Variants in ARHGEF38 observed in about 807,000 individuals in gnomAD.
ARHGEF38 encodes the protein Rho guanine nucleotide exchange factor (GEF) 38.
Under a neutral mutation model 79.9 loss-of-function variants are expected in ARHGEF38, and 79 were observed. That is an observed-to-expected ratio of 0.99 (90% CI 0.82 to 1.19). The LOEUF (loss-of-function observed/expected upper bound fraction) is 1.19, where lower values mean the gene tolerates loss of function less well. Ranked by LOEUF, ARHGEF38 falls within the 50% of genes most tolerant of loss-of-function variation. The pLI is 0.00. For synonymous variants in ARHGEF38, 366 were observed against 328.3 expected (o/e 1.11, Z -1.24); for missense variants, 962 against 907.2 (o/e 1.06, Z -0.78).
At chr4:105,650,510 A>G (rs1419588695) in intron 7 of ARHGEF38, among the ~76,000 whole-genome samples, 1 of 152,078 alleles carries the variant, frequency 6.6e-6, no homozygotes, top group African/African-American at 2.4e-5. Flanking sequence ...TAAACTCTTT[A>G]CTCTGCCCCT....
At chr4:105,657,997 G>A (rs72669992) in intron 9 of ARHGEF38, among the ~76,000 whole-genome samples, 6,569 of 152,232 alleles carry the variant, frequency 0.043, 201 homozygotes, top group Middle Eastern at 0.13. Flanking sequence ...GTCAGCAAAT[G>A]TAAAACAGAA....
chr4:105,554,362 C>T (rs1725155104), intron 1 of ARHGEF38, among the ~76,000 whole-genome samples: 1 of 152,124 alleles, frequency 6.6e-6, no homozygotes, highest in African/African-American at 2.4e-5. Context: ...GTCCGTTTCT[C>T]GCCACTCCAG....
At chr4:105,675,669 C>T (rs1731093678) in intron 13 of ARHGEF38, among the ~76,000 whole-genome samples, 1 of 152,134 alleles carries the variant, frequency 6.6e-6, no homozygotes, top group Admixed American at 6.5e-5. Flanking sequence ...TAACAAAACA[C>T]CATAAACTGG....
chr4:105,557,134 A>G (rs916103893), intron 1 of ARHGEF38, among the ~76,000 whole-genome samples: 5 of 152,126 alleles, frequency 3.3e-5, no homozygotes, highest in Admixed American at 6.6e-5. Flanking sequence ...ATAAATACTT[A>G]TATACATGAT....
At chr4:105,658,971 A>G in intron 9 of ARHGEF38, 83 bp from the exon 10 acceptor site, 1 of 1,218,378 alleles carries the variant, frequency 8.2e-7, no homozygotes, top group Non-Finnish European at 1.1e-6. Context: ...TCGTGGGGGA[A>G]AAGGTAAACC....
chr4:105,599,876 C>A (rs1049523114), intron 2 of ARHGEF38, among the ~76,000 whole-genome samples: 1 of 152,088 alleles, frequency 6.6e-6, no homozygotes, highest in African/African-American at 2.4e-5. Context: ...ACATATGAAA[C>A]ACATTTTTGT....
chr4:105,648,821 T>A, intron 7 of ARHGEF38, 139 bp downstream of exon 7: 3 of 236,578 alleles, frequency 1.3e-5, no homozygotes, highest in Non-Finnish European at 2.4e-5. Flanking sequence ...CTTGTCTCCC[T>A]CTCTCTCTCT....
intron 4 of ARHGEF38, among the ~76,000 whole-genome samples, chr4:105,635,484 A>T (rs1578333070): frequency 6.6e-6 from 1 of 152,118 alleles, no homozygotes; most frequent in African/African-American, 2.4e-5. Flanking sequence ...GAGTTAAAAG[A>T]ATAACCTTCT....
At chr4:105,646,944 TA>T (rs968691965) in intron 6 of ARHGEF38, among the ~76,000 whole-genome samples, 28 of 152,176 alleles carry the variant, frequency 1.8e-4, no homozygotes, top group Admixed American at 7.9e-4. Context: ...ACATCCACAG[TA>T]AAAGCATAAA....
intron 6 of ARHGEF38, among the ~76,000 whole-genome samples, chr4:105,646,937 T>C (rs1729867489): frequency 6.6e-6 from 1 of 151,826 alleles, no homozygotes; most frequent in Non-Finnish European, 1.5e-5. Flanking sequence ...ATTCCAAACA[T>C]CCACAGTAAA....
In ARHGEF38 at chr4:105,659,241, T is replaced by C; in HGVS notation, c.1421T>C (p.Val474Ala). Residue 474 changes from valine to alanine, a missense_variant, in exon 10 of 14, where the codon GTG becomes GCG. Val to Ala is a moderately conservative substitution (Grantham distance 64). Transcript: ENST00000420470. ...KEYEALNAQL[V>A]EELQAFNQAA... ...TATGAGGCCCTCAACGCCCAGCTTG[T>C]GGAGGAGCTCCAGGCATTCAACCAG... The C allele has an allele frequency of 6.5e-7, 1 of 1,536,118 alleles. No individual in the cohort carries two copies. Among genetic ancestry groups the C allele is most frequent in the African/African-American group, 1.4e-5 (1 of 73,156 alleles).
At chr4:105,619,294 C>T (rs965207210) in intron 3 of ARHGEF38, among the ~76,000 whole-genome samples, 2 of 151,594 alleles carry the variant, frequency 1.3e-5, no homozygotes, top group Admixed American at 6.6e-5. Context: ...CCAAACTGCC[C>T]AGCCATTCAA....
chr4:105,591,636 A>C (rs536691598), intron 2 of ARHGEF38, among the ~76,000 whole-genome samples: 2 of 152,350 alleles, frequency 1.3e-5, no homozygotes, highest in South Asian at 4.1e-4. Flanking sequence ...ACAATGTATA[A>C]AGAGGAGTAG....
intron 3 of ARHGEF38, among the ~76,000 whole-genome samples, chr4:105,622,691 T>G (rs533753198): frequency 1.3e-5 from 2 of 152,182 alleles, no homozygotes; most frequent in African/African-American, 4.8e-5. Flanking sequence ...TTCACAATGC[T>G]CAGCATGTGG....
At chr4:105,567,748 A>T (rs1261937744) in intron 1 of ARHGEF38, among the ~76,000 whole-genome samples, 1 of 152,208 alleles carries the variant, frequency 6.6e-6, no homozygotes, top group African/African-American at 2.4e-5. Flanking sequence ...TATGTAATTT[A>T]AAAAATTAAT....
chr4:105,561,362 A>T, intron 1 of ARHGEF38, among the ~76,000 whole-genome samples: 1 of 149,442 alleles, frequency 6.7e-6, no homozygotes, highest in Non-Finnish European at 1.5e-5. Flanking sequence ...AGATCATGCC[A>T]CTGCACTCCA....
intron 1 of ARHGEF38, among the ~76,000 whole-genome samples, chr4:105,570,965 C>G (rs896031226): frequency 6.6e-6 from 1 of 152,136 alleles, no homozygotes; most frequent in Non-Finnish European, 1.5e-5. Context: ...GAAGTACATA[C>G]TAGTCATATT....
At chr4:105,637,189 T>C (rs1356919571) in intron 5 of ARHGEF38, among the ~76,000 whole-genome samples, 1 of 152,086 alleles carries the variant, frequency 6.6e-6, no homozygotes, top group Non-Finnish European at 1.5e-5. Context: ...TATGAAGAAA[T>C]AAAGAGCTTA....
At chr4:105,558,004 A>G (rs1339825677) in intron 1 of ARHGEF38, among the ~76,000 whole-genome samples, 1 of 152,184 alleles carries the variant, frequency 6.6e-6, no homozygotes, top group Admixed American at 6.6e-5. Flanking sequence ...GGCAAAAATT[A>G]CGTCTCCATT....
Sources: gnomAD v4.1 joint callset for allele counts (sites outside exome capture counted in the v4.1 genomes callset) on GRCh38, gnomAD v4.1.1 for gene constraint, MANE v1.5 for transcripts, NCBI Gene and HGNC (gene_info 2026-07-23, HGNC 2026-07-21) for gene names.